The following KCND3 variants were observed in gnomAD, a reference collection of about 807,000 sequenced individuals.
KCND3 encodes A-type voltage-gated potassium channel KCND3.
KCND3 carries 9 observed loss-of-function variants against 51.1 expected under a neutral mutation model. That is an observed-to-expected ratio of 0.18 (90% CI 0.11 to 0.31). The LOEUF (loss-of-function observed/expected upper bound fraction) is 0.31. Ranked by LOEUF, KCND3 falls within the 10% of genes least tolerant of loss-of-function variation. The pLI is 1.00. For missense variants in KCND3, 526 were observed against 903.8 expected (o/e 0.58, Z 5.36); for synonymous variants, 349 against 368.0 (o/e 0.95, Z 0.59).
chr1:111,795,401 C>T (rs1306458661), intron 2 of KCND3, among the ~76,000 whole-genome samples: 1 of 152,214 alleles, frequency 6.6e-6, no homozygotes, highest in East Asian at 1.9e-4. Context: ...ATCACAGTGG[C>T]AATTCAGTAA....
chr1:111,928,875 A>G (rs1038802762), intron 2 of KCND3, among the ~76,000 whole-genome samples: 4 of 152,196 alleles, frequency 2.6e-5, no homozygotes, highest in African/African-American at 9.7e-5. Flanking sequence ...AAAAGGCCAC[A>G]CAGCCTGGGA....
intron 2 of KCND3, among the ~76,000 whole-genome samples, chr1:111,872,950 C>T (rs773196521): frequency 3.3e-5 from 5 of 152,224 alleles, no homozygotes; most frequent in African/African-American, 4.8e-5. Flanking sequence ...CACTCTGATG[C>T]TGTCTCTTCT....
intron 2 of KCND3, among the ~76,000 whole-genome samples, chr1:111,859,393 G>C (rs984212888): frequency 3.3e-5 from 5 of 152,234 alleles, no homozygotes; most frequent in African/African-American, 1.2e-4. Flanking sequence ...GGAAAGGAGA[G>C]GTTGGATGGG....
intron 2 of KCND3, among the ~76,000 whole-genome samples, chr1:111,863,696 A>G (rs1244319321): frequency 6.6e-6 from 1 of 152,214 alleles, no homozygotes; most frequent in African/African-American, 2.4e-5. Flanking sequence ...TTTGAACTTG[A>G]TCCTGCATAC....
chr1:111,945,144 G>A (rs1001421612), intron 2 of KCND3, among the ~76,000 whole-genome samples: 10 of 152,300 alleles, frequency 6.6e-5, no homozygotes, highest in South Asian at 2.1e-4. Flanking sequence ...AGAAGTCAGC[G>A]AGAAGGAGTA....
At chr1:111,827,869 G>A (rs1391523912) in intron 2 of KCND3, among the ~76,000 whole-genome samples, 4 of 152,190 alleles carry the variant, frequency 2.6e-5, no homozygotes. Flanking sequence ...GGGGCTCCAA[G>A]GGATGCAGCA....
chr1:111,957,792 T>C (rs1401200869), intron 2 of KCND3, among the ~76,000 whole-genome samples: 2 of 152,190 alleles, frequency 1.3e-5, no homozygotes, highest in Admixed American at 1.3e-4. Context: ...TGCCCCCTCA[T>C]TTACCTATTG....
intron 2 of KCND3, among the ~76,000 whole-genome samples, chr1:111,916,637 A>C (rs1329789215): frequency 4.6e-5 from 7 of 152,194 alleles, no homozygotes; most frequent in African/African-American, 1.4e-4. Flanking sequence ...AAAAAAGATG[A>C]ATAAAATTAA....
chr1:111,872,252 G>A (rs1399568680), intron 2 of KCND3, among the ~76,000 whole-genome samples: 1 of 152,192 alleles, frequency 6.6e-6, no homozygotes, highest in African/African-American at 2.4e-5. Flanking sequence ...TCCAAGGTGT[G>A]CTCCACAGAC....
At chr1:111,987,785 T>C (rs1342152641) in intron 1 of KCND3, among the ~76,000 whole-genome samples, 4 of 152,182 alleles carry the variant, frequency 2.6e-5, no homozygotes, top group Non-Finnish European at 5.9e-5. Flanking sequence ...CGTGGACGCC[T>C]TACAAATGAA....
intron 2 of KCND3, among the ~76,000 whole-genome samples, chr1:111,880,520 G>A: frequency 6.6e-6 from 1 of 152,200 alleles, no homozygotes; most frequent in Admixed American, 6.5e-5. Context: ...TCCAGGACAT[G>A]GACTGGGAGA....
At chr1:111,987,255 C>G (rs186729402) in intron 1 of KCND3, among the ~76,000 whole-genome samples, 1 of 152,174 alleles carries the variant, frequency 6.6e-6, no homozygotes. Flanking sequence ...CAAGGACCAC[C>G]AGTCCTTTAC....
chr1:111,981,590 G>A lies in KCND3; in HGVS notation c.1106+31C>T, dbSNP rs72548723. The A allele has an allele frequency of 4.3e-6, 7 of 1,613,864 alleles. No individual in the cohort carries two copies. The highest frequency in any genetic ancestry group is 5.9e-6 in the Non-Finnish European group (7 of 1,179,916). ...GTCATCCAGCTGCCCTCCAACCTCC[G>A]TCCTGGTTTCATCCACCAGCGCTGA... On this transcript the variant is annotated intron_variant, in intron 2 of 7. Coordinates refer to ENST00000302127, the MANE Select transcript of KCND3 (RefSeq NM_001378969.1). This position sits in a 1 kb window ranked among gnomAD's most constrained non-coding sequence, Gnocchi z 6.2.
chr1:111,914,284 A>C (rs1019430804), intron 2 of KCND3, among the ~76,000 whole-genome samples: 4 of 151,710 alleles, frequency 2.6e-5, no homozygotes, highest in East Asian at 3.8e-4. Context: ...AAAAAAAAAA[A>C]AACCCATAGC....
intron 2 of KCND3, among the ~76,000 whole-genome samples, chr1:111,913,695 C>T (rs116060197): frequency 0.013 from 1,964 of 152,184 alleles, 38 homozygotes; most frequent in African/African-American, 0.045. Flanking sequence ...ATCACTTGAG[C>T]CCAGGAGTTG....
intron 2 of KCND3, among the ~76,000 whole-genome samples, chr1:111,856,240 T>C (rs1668057142): frequency 6.6e-6 from 1 of 152,180 alleles, no homozygotes; most frequent in Admixed American, 6.5e-5. Flanking sequence ...GGTGGGGAGA[T>C]GTTTTCAGAA....
At position 111,861,303 on chromosome 1, in the gene KCND3, C is replaced by T. The variant is rs937664221; in HGVS notation, c.1107-74197G>A. ...GATGACCCATAATAACCTGAGTTTA[C>T]ACCCTGGGTTCCAACCAAGATGTGC... On this transcript the variant is annotated intron_variant, in intron 2 of 7. Transcript: ENST00000302127. Among the ~76,000 whole-genome samples the T allele has an allele frequency of 8.5e-5, 13 of 152,270 alleles. No homozygotes were observed. The South Asian group carries it at 1.2e-3, about 15-fold the overall frequency.
intron 3 of KCND3, among the ~76,000 whole-genome samples, chr1:111,783,875 T>C (rs1040293717): frequency 6.6e-6 from 1 of 152,096 alleles, no homozygotes; most frequent in Non-Finnish European, 1.5e-5. Flanking sequence ...AGGAATCATA[T>C]AGAATGGAAA....
chr1:111,822,866 A>G (rs1490853666), intron 2 of KCND3, among the ~76,000 whole-genome samples: 1 of 152,264 alleles, frequency 6.6e-6, no homozygotes, highest in Non-Finnish European at 1.5e-5. Context: ...AAAACAACCT[A>G]GCGTCTTTTG....
Sources: allele counts gnomAD v4.1 joint callset (sites outside exome capture counted in the v4.1 genomes callset), GRCh38; gene constraint gnomAD v4.1.1; non-coding constraint Gnocchi (gnomAD v3.1); transcripts MANE v1.5; gene names NCBI Gene and HGNC (gene_info 2026-07-23, HGNC 2026-07-21).